The following CAPN13 variants were observed in gnomAD, a reference collection of about 807,000 sequenced individuals.
CAPN13 encodes calpain-13.
Under a neutral mutation model 98.4 loss-of-function variants are expected in CAPN13, and 90 were observed. The observed-to-expected ratio is 0.92, with a 90% CI of 0.77 to 1.09. CAPN13 has a LOEUF of 1.09. CAPN13 is among the 50% of genes least tolerant of loss of function. CAPN13 has a pLI of 0.00. For missense variants in CAPN13, 887 were observed against 841.3 expected (o/e 1.05, Z -0.67); for synonymous variants, 330 against 305.5 (o/e 1.08, Z -0.84).
At chr2:30,743,226 C>T in intron 13 of CAPN13, 157 bp downstream of exon 13, 1 of 704,800 alleles carries the variant, frequency 1.4e-6, no homozygotes, top group Non-Finnish European at 2.5e-6. Flanking sequence ...TTCTCGCTCC[C>T]CCTTTATGGT....
At chr2:30,742,282 T>C (rs372488600) in intron 14 of CAPN13, 44 bp downstream of exon 14, 4 of 1,585,518 alleles carry the variant, frequency 2.5e-6, no homozygotes, top group Non-Finnish European at 3.4e-6. Flanking sequence ...GGGGATGGGA[T>C]GGGGCCAATG....
chr2:30,754,397 T>C (rs1672332297), intron 8 of CAPN13, 33 bp from the exon 9 acceptor site: 12 of 1,564,946 alleles, frequency 7.7e-6, no homozygotes, highest in Non-Finnish European at 1.0e-5. Context: ...CAGGGTGAGA[T>C]TTTCCAGTGC....
At chr2:30,780,402 G>T (rs775351550) in intron 2 of CAPN13, among the ~76,000 whole-genome samples, 2 of 152,244 alleles carry the variant, frequency 1.3e-5, no homozygotes, top group Admixed American at 6.5e-5. Context: ...AATGCAGAAT[G>T]CAAGGATAGT....
intron 5 of CAPN13, among the ~76,000 whole-genome samples, chr2:30,768,150 G>A (rs1355785269): frequency 6.6e-6 from 1 of 152,204 alleles, no homozygotes; most frequent in Non-Finnish European, 1.5e-5. Context: ...GAGGGCAAGT[G>A]TCCCCTCCCC....
intron 3 of CAPN13, among the ~76,000 whole-genome samples, chr2:30,777,257 A>C (rs767415610): frequency 3.9e-5 from 6 of 152,318 alleles, no homozygotes; most frequent in Middle Eastern, 3.4e-3. Context: ...TTGCTAACTG[A>C]GTGTGTGACA....
intron 3 of CAPN13, 27 bp from the exon 4 acceptor site, chr2:30,776,072 G>T: frequency 2.6e-6 from 4 of 1,517,400 alleles, no homozygotes; most frequent in Non-Finnish European, 3.6e-6. Flanking sequence ...GCCAGGAAAG[G>T]CTGATTGGAC....
At chr2:30,731,098 A>ATTTCC (rs996650953) in intron 21 of CAPN13, among the ~76,000 whole-genome samples, 2 of 152,156 alleles carry the variant, frequency 1.3e-5, no homozygotes, top group African/African-American at 4.8e-5. Flanking sequence ...TCCCTCCTGG[A>ATTTCC]TTTATGACTC....
intron 6 of CAPN13, 125 bp downstream of exon 6, chr2:30,764,007 C>A: frequency 1.1e-6 from 1 of 935,958 alleles, no homozygotes; most frequent in Non-Finnish European, 1.6e-6. Context: ...CCGGGTAAAG[C>A]ACGCTATCAG....
At chr2:30,789,748 T>A (rs1427679292) in intron 1 of CAPN13, among the ~76,000 whole-genome samples, 1 of 152,210 alleles carries the variant, frequency 6.6e-6, no homozygotes, top group African/African-American at 2.4e-5. Flanking sequence ...AAGCAGCCAA[T>A]ACATGGTGGT....
chr2:30,777,758 G>A (rs1244880809), intron 2 of CAPN13, 119 bp from the exon 3 acceptor site: 4 of 842,472 alleles, frequency 4.7e-6, no homozygotes, highest in East Asian at 2.7e-5. Flanking sequence ...CTTAAAATCC[G>A]AGTTAGGAAA....
chr2:30,763,445 G>A (rs545487131), intron 6 of CAPN13, among the ~76,000 whole-genome samples: 8 of 152,290 alleles, frequency 5.3e-5, no homozygotes, highest in Admixed American at 2.6e-4. Flanking sequence ...AGTGAGACAC[G>A]GCACAAATAT....
chr2:30,745,342 T>C (rs991787071), intron 12 of CAPN13: 3 of 496,262 alleles, frequency 6.0e-6, no homozygotes, highest in Non-Finnish European at 4.1e-6. Context: ...GCATGCATCC[T>C]GCTTATGGAG....
Position 30,743,379 on chromosome 2 carries a change from G to C in CAPN13, c.1445+4C>G, listed in dbSNP as rs773701108. 4 of 1,610,668 alleles carry C rather than the reference G, an allele frequency of 2.5e-6. No homozygotes were observed. In the African/African-American group the frequency reaches 4.0e-5, roughly 16 times the overall value. ...AACATTTACAATCCCAGAGGGTTCT[G>C]TACCTGTCACTGTCTGGCATTTTCA... On this transcript the variant is annotated splice_donor_region_variant and intron_variant, in intron 13 of 22. Coordinates refer to ENST00000295055, the MANE Select transcript of CAPN13 (RefSeq NM_144575.3).
chr2:30,770,095 G>A (rs1572848646), intron 5 of CAPN13, among the ~76,000 whole-genome samples: 1 of 152,288 alleles, frequency 6.6e-6, no homozygotes, highest in African/African-American at 2.4e-5. Context: ...CATTGTCAGT[G>A]CATATCTCTG....
Position 30,753,980 on chromosome 2 carries a change from C to G in CAPN13, c.941+310G>C, listed in dbSNP as rs146436787. Among the ~76,000 whole-genome samples, 664 of 152,266 alleles carry G rather than the reference C, an allele frequency of 4.4e-3. 7 individuals are homozygous for G. The highest frequency in any genetic ancestry group is 0.015 in the African/African-American group (618 of 41,542). ...AGCAAGATGGTACAGAGGATATGGGCATGACAACCATGCATCCTAGCTTCC... is the reference window on the plus strand; with the variant it reads ...AGCAAGATGGTACAGAGGATATGGGGATGACAACCATGCATCCTAGCTTCC... On this transcript the variant is annotated intron_variant, in intron 9 of 22. Transcript: ENST00000295055.
intron 1 of CAPN13, among the ~76,000 whole-genome samples, chr2:30,806,680 C>T (rs1448279828): frequency 6.6e-6 from 1 of 152,202 alleles, no homozygotes; most frequent in Non-Finnish European, 1.5e-5. Flanking sequence ...CATCACATCT[C>T]AAAGATTACA....
At chr2:30,761,551 C>T (rs1044012114) in intron 7 of CAPN13, among the ~76,000 whole-genome samples, 1 of 152,152 alleles carries the variant, frequency 6.6e-6, no homozygotes, top group Non-Finnish European at 1.5e-5. Flanking sequence ...AATCCCTTCT[C>T]CCCTGTGTTC....
chr2:30,797,720 T>A (rs140716914), intron 1 of CAPN13, among the ~76,000 whole-genome samples: 1 of 152,282 alleles, frequency 6.6e-6, no homozygotes, highest in Non-Finnish European at 1.5e-5. Flanking sequence ...ACTCCCAACC[T>A]CGGGTCTCTC....
rs765673354 is a variant in CAPN13 at position 30,743,415 on chromosome 2, G to C, written c.1413C>G (p.Leu471=). The part of the protein sequence containing the change: ...QTRRKSAEFL[L]RIFLKMPDSD... ...TGTCTGGCATTTTCAGGAAGATTCG[G>C]AGCAAGAACTCCGCTGATTTTCTCC... Residue 471 remains leucine, a synonymous_variant, in exon 13 of 23, where the codon CTC becomes CTG. Transcript: ENST00000295055. 14 of 1,613,880 alleles carry C rather than the reference G, an allele frequency of 8.7e-6. No individual in the cohort carries two copies. The highest frequency in any genetic ancestry group is 1.6e-4 in the Middle Eastern group (1 of 6,084).
Sources: allele counts gnomAD v4.1 joint callset (sites outside exome capture counted in the v4.1 genomes callset), GRCh38; gene constraint gnomAD v4.1.1; transcripts MANE v1.5; gene names NCBI Gene and HGNC (gene_info 2026-07-23, HGNC 2026-07-21).